The following ENTPD4 variants were observed in gnomAD, a reference collection of about 807,000 sequenced individuals.
ENTPD4 encodes the protein ectonucleoside triphosphate diphosphohydrolase 4.
Under a neutral mutation model 79.1 loss-of-function variants are expected in ENTPD4, and 60 were observed. That is an observed-to-expected ratio of 0.76 (90% CI 0.62 to 0.94). ENTPD4 has a LOEUF of 0.94. ENTPD4 is among the 40% of genes least tolerant of loss of function. The pLI, the probability that ENTPD4 is intolerant of heterozygous loss-of-function variation, is 0.00. For missense variants in ENTPD4, 772 were observed against 775.1 expected, an observed-to-expected ratio of 1.00 and a Z score of 0.05; for synonymous variants, 276 against 292.0, an observed-to-expected ratio of 0.95 and a Z score of 0.56.
chr8:23,457,588 G>A lies in ENTPD4; in HGVS notation c.-129C>T, dbSNP rs1800984795. 1 of 151,862 alleles carries A rather than the reference G, an allele frequency of 6.6e-6. No homozygotes were observed. The highest frequency in any genetic ancestry group is 2.4e-5 in the African/African-American group (1 of 41,402). 9.4% of individuals were successfully genotyped at this position (151,862 alleles called of 1,614,324 possible). ...GGCCGGCCGGGGACCCCGGGAGCGG[G>A]GGACCACCAGTGGGCAGCATCACGG... On this transcript the variant is annotated 5_prime_UTR_variant, in exon 1 of 13. Transcript: ENST00000358689.
chr8:23,441,650 C>G lies in ENTPD4; in HGVS notation c.801G>C (p.Ala267=), dbSNP rs113598172. Residue 267 remains alanine (A), a synonymous_variant, in exon 8 of 13, where the codon GCG becomes GCC. Transcript: ENST00000358689. ...SSEAIVRKRT[A]GILDMGGVST... Reference sequence around the variant, plus strand: ...ACACGCCGCCCATGTCGAGAATGCCCGCTGTCCTTTTACGGACAATGGCTT... The same window carrying G: ...ACACGCCGCCCATGTCGAGAATGCCGGCTGTCCTTTTACGGACAATGGCTT... 1 of 1,614,190 alleles carries G rather than the reference C, an allele frequency of 6.2e-7. No homozygotes were observed. The highest frequency in any genetic ancestry group is 1.1e-5 in the South Asian group (1 of 91,090).
chr8:23,436,875 T>C, intron 10 of ENTPD4, 59 bp downstream of exon 10: 3 of 1,320,952 alleles, frequency 2.3e-6, no homozygotes, highest in Middle Eastern at 3.8e-4. Context: ...ACATAACCCG[T>C]CACCGTCCAC....
chr8:23,437,342 A>G, intron 9 of ENTPD4, 84 bp from the exon 10 acceptor site: 1 of 1,043,128 alleles, frequency 9.6e-7, no homozygotes, highest in Admixed American at 2.5e-5. Context: ...GTTTCTCAAA[A>G]TACGCTCTGT....
chr8:23,431,804 G>A lies in ENTPD4; in HGVS notation c.*1122C>T, dbSNP rs184657978. The A allele has an allele frequency of 3.8e-4, 378 of 985,400 alleles. 2 individuals carry two copies. The African/African-American group carries it at 4.2e-3, about 11-fold the overall frequency. The allele number at this position is 985,400 out of a possible 1,614,324, so 61.0% of individuals were successfully genotyped here. On this transcript the variant is annotated 3_prime_UTR_variant, in exon 13 of 13. Transcript: ENST00000358689. ...CATGTGCTCTAGTTCCAATAAAACC[G>A]AAACTGGTGAAACTAGGAATTTCCA...
In ENTPD4 at chr8:23,431,843, C is replaced by G; in HGVS notation, c.*1083G>C. On this transcript the variant is annotated 3_prime_UTR_variant, in exon 13 of 13. Transcript: ENST00000358689. ...TAGGAATTTCCAATTCTTTCAAAAC[C>G]ACAGTGTTCTAATGCCACTGAAATA... 1 of 985,390 alleles carries G rather than the reference C, an allele frequency of 1.0e-6. No individual in the cohort carries two copies. The highest frequency in any genetic ancestry group is 1.2e-6 in the Non-Finnish European group (1 of 829,920). 61.0% of individuals were successfully genotyped at this position (985,390 alleles called of 1,614,324 possible).
intron 1 of ENTPD4, among the ~76,000 whole-genome samples, chr8:23,452,980 C>T (rs1345277309): frequency 6.6e-6 from 1 of 152,178 alleles, no homozygotes; most frequent in African/African-American, 2.4e-5. Context: ...CTGTTTCCCC[C>T]GTGACCAGTG....
At chr8:23,441,462 G>C in intron 8 of ENTPD4, 107 bp downstream of exon 8, 4 of 1,525,474 alleles carry the variant, frequency 2.6e-6, no homozygotes, top group Non-Finnish European at 3.5e-6. Context: ...CGGCACCTCA[G>C]CCAGCACAGT....
chr8:23,435,096 G>A (rs1800531964), intron 11 of ENTPD4, among the ~76,000 whole-genome samples: 1 of 152,234 alleles, frequency 6.6e-6, no homozygotes, highest in South Asian at 2.1e-4. Flanking sequence ...GGGGACAGAG[G>A]AAGACTGGAA....
At chr8:23,452,868 G>A (rs1800889424) in intron 1 of ENTPD4, among the ~76,000 whole-genome samples, 1 of 152,196 alleles carries the variant, frequency 6.6e-6, no homozygotes, top group Non-Finnish European at 1.5e-5. Context: ...CATATCCCCA[G>A]AGTATTTGCT....
rs765891159 is a variant in ENTPD4, at chr8:23,441,737, A to G, written c.728-14T>C. 5 of 1,613,248 alleles carry G rather than the reference A, an allele frequency of 3.1e-6. No individual in the cohort carries two copies. The highest frequency in any genetic ancestry group is 3.3e-5 in the Admixed American group (2 of 59,992). On this transcript the variant is annotated splice_polypyrimidine_tract_variant and intron_variant, in intron 7 of 12. Coordinates refer to ENST00000358689, the MANE Select transcript of ENTPD4 (RefSeq NM_004901.5). Reference sequence around the variant, plus strand: ...CGGCCTCATCATCTAGAAAGAACAGAAAGTGTTCACTGGAACAGAACTAAT... The same window carrying G: ...CGGCCTCATCATCTAGAAAGAACAGGAAGTGTTCACTGGAACAGAACTAAT...
chr8:23,439,585 G>A (rs891327952), intron 9 of ENTPD4, among the ~76,000 whole-genome samples, 164 bp downstream of exon 9: 29 of 152,178 alleles, frequency 1.9e-4, no homozygotes, highest in African/African-American at 6.5e-4. Flanking sequence ...GCAGGACCCT[G>A]GTGTGCTTTC....
chr8:23,442,072 G>A lies in ENTPD4; in HGVS notation c.668-6C>T, dbSNP rs570022545. On this transcript the variant is annotated splice_polypyrimidine_tract_variant and splice_region_variant and intron_variant, in intron 6 of 12. Transcript: ENST00000358689. ...GCCAATCCAAGCATACACACCTATAGACATTTTACAGGGTGAAGAGAAGAA... is the reference window on the plus strand; with the variant it reads ...GCCAATCCAAGCATACACACCTATAAACATTTTACAGGGTGAAGAGAAGAA... 1.9e-4 allele frequency: 309 copies of A among 1,610,118 alleles called. 2 individuals are homozygous for A. In the South Asian group the frequency reaches 2.5e-3, roughly 13 times the overall value.
chr8:23,451,614 G>C (rs1190921380), intron 1 of ENTPD4, among the ~76,000 whole-genome samples: 1 of 152,136 alleles, frequency 6.6e-6, no homozygotes, highest in East Asian at 1.9e-4. Flanking sequence ...AAGCCCTACA[G>C]GATCTAACAC....
At chr8:23,457,326 G>A (rs949389090) in intron 1 of ENTPD4, among the ~76,000 whole-genome samples, 11 of 152,060 alleles carry the variant, frequency 7.2e-5, no homozygotes, top group Non-Finnish European at 1.5e-4. Context: ...CTGGGGGAGC[G>A]CGCCGGCCGC....
intron 9 of ENTPD4, among the ~76,000 whole-genome samples, chr8:23,437,514 C>T (rs530935824): frequency 1.3e-5 from 2 of 152,270 alleles, no homozygotes; most frequent in African/African-American, 2.4e-5. Flanking sequence ...CCCGATTAGC[C>T]GACGATCCTG....
intron 6 of ENTPD4, among the ~76,000 whole-genome samples, chr8:23,443,291 T>G (rs369803207): frequency 6.6e-6 from 1 of 152,198 alleles, no homozygotes; most frequent in African/African-American, 2.4e-5. Flanking sequence ...AGCAGCTGAA[T>G]AGCAATGTGT....
intron 1 of ENTPD4, among the ~76,000 whole-genome samples, chr8:23,453,624 G>C (rs1800903018): frequency 6.6e-6 from 1 of 152,150 alleles, no homozygotes; most frequent in African/African-American, 2.4e-5. Flanking sequence ...AGACATGAAG[G>C]CCTGGTGATA....
At position 23,430,480 on chromosome 8, in the gene ENTPD4, A is replaced by G; in HGVS notation, c.*2446T>C. 4 of 985,386 alleles carry G rather than the reference A, an allele frequency of 4.1e-6. No individual in the cohort carries two copies. The highest frequency in any genetic ancestry group is 3.6e-6 in the Non-Finnish European group (3 of 829,918). The allele number at this position is 985,386 out of a possible 1,614,324, so 61.0% of individuals were successfully genotyped here. A position where few individuals can be genotyped will look rare whatever the true frequency, so the allele number is the denominator to read the frequency against. ...ATGCTTCTGTCTGTATCCTTTTTTGAACTGCATTGTTCTCACAAGGACCAG... is the reference window on the plus strand; with the variant it reads ...ATGCTTCTGTCTGTATCCTTTTTTGGACTGCATTGTTCTCACAAGGACCAG... On this transcript the variant is annotated 3_prime_UTR_variant, in exon 13 of 13. Transcript: ENST00000358689.
Position 23,447,868 on chromosome 8 carries a change from GTAA to G in ENTPD4, c.221_223del (p.Val74_Thr75delinsAla), listed in dbSNP as rs1354171122. Reference sequence around the variant, plus strand: ...ATTGGTGTCTGTAGCTTCAATGTCGGTAACTCGTGCCAGGTACCTTGTATAGAA... The same window carrying G: ...ATTGGTGTCTGTAGCTTCAATGTCGGCTCGTGCCAGGTACCTTGTATAGAA... On this transcript the variant is annotated inframe_deletion, in exon 4 of 13. Coordinates refer to ENST00000358689, the MANE Select transcript of ENTPD4 (RefSeq NM_004901.5). The G allele has an allele frequency of 6.2e-7, 1 of 1,613,996 alleles. No homozygotes were observed. Among genetic ancestry groups the G allele is most frequent in the African/African-American group, 1.3e-5 (1 of 74,902 alleles).
Sources: gnomAD v4.1 joint callset for allele counts (sites outside exome capture counted in the v4.1 genomes callset) on GRCh38, gnomAD v4.1.1 for gene constraint, MANE v1.5 for transcripts, NCBI Gene and HGNC (gene_info 2026-07-23, HGNC 2026-07-21) for gene names.